Variants in CNTNAP2 observed in about 807,000 individuals in gnomAD.
CNTNAP2 encodes contactin-associated protein-like 2.
In CNTNAP2, 98 loss-of-function variants were observed where a neutral mutation model predicts 155.2. That is an observed-to-expected ratio of 0.63 (90% CI 0.54 to 0.75). The LOEUF is 0.75. Among genes scored for constraint, CNTNAP2 ranks in the 30% least tolerant of loss-of-function variants. CNTNAP2 has a pLI of 0.00. For synonymous variants in CNTNAP2, 651 were observed against 631.2 expected (o/e 1.03, Z -0.47); for missense variants, 1,727 against 1,688.1 (o/e 1.02, Z -0.40).
intron 3 of CNTNAP2, among the ~76,000 whole-genome samples, chr7:146,881,755 A>AT (rs11416504): frequency 0.55 from 68,149 of 123,570 alleles, 18,981 homozygotes; most frequent in Admixed American, 0.56. Context: ...GATCCCTATA[A>AT]TTTTTTTTTT....
intron 4 of CNTNAP2, among the ~76,000 whole-genome samples, chr7:147,084,684 T>C (rs185453796): frequency 0.021 from 3,067 of 147,544 alleles, 30 homozygotes; most frequent in Middle Eastern, 0.043. Flanking sequence ...TATATAAGCA[T>C]GCTATATGTA....
intron 15 of CNTNAP2, among the ~76,000 whole-genome samples, chr7:147,986,226 A>G (rs1801616260): frequency 6.6e-6 from 1 of 152,238 alleles, no homozygotes; most frequent in East Asian, 1.9e-4. Context: ...TGCCCTGGCC[A>G]TTAATTATAA....
intron 1 of CNTNAP2, among the ~76,000 whole-genome samples, chr7:146,455,496 C>G (rs1796542513): frequency 6.6e-6 from 1 of 152,068 alleles, no homozygotes; most frequent in Admixed American, 6.6e-5. Context: ...CCTTTTCAGG[C>G]AAGAAGAAAT....
intron 12 of CNTNAP2, among the ~76,000 whole-genome samples, chr7:147,635,270 A>C (rs1310338029): frequency 6.6e-6 from 1 of 150,786 alleles, no homozygotes; most frequent in African/African-American, 2.5e-5. Context: ...TAAGCTCCAA[A>C]ACTTTTTTTT....
intron 3 of CNTNAP2, among the ~76,000 whole-genome samples, chr7:147,026,345 A>T (rs1798918857): frequency 6.6e-6 from 1 of 152,200 alleles, no homozygotes; most frequent in South Asian, 2.1e-4. Flanking sequence ...TATAAATAAG[A>T]TGATAGGATC....
intron 3 of CNTNAP2, among the ~76,000 whole-genome samples, chr7:146,907,516 AT>A (rs1796162113): frequency 7.4e-6 from 1 of 135,454 alleles, no homozygotes; most frequent in Non-Finnish European, 1.6e-5. Context: ...AAAGAAAAGA[AT>A]TTTCAACCCA....
intron 14 of CNTNAP2, among the ~76,000 whole-genome samples, chr7:147,929,718 CT>C (rs1800463688): frequency 6.6e-6 from 1 of 152,130 alleles, no homozygotes; most frequent in Non-Finnish European, 1.5e-5. Flanking sequence ...TCAGTACCTA[CT>C]TTTAGGTAAG....
chr7:146,697,052 G>A (rs1470518167), intron 1 of CNTNAP2, among the ~76,000 whole-genome samples: 1 of 152,030 alleles, frequency 6.6e-6, no homozygotes, highest in Non-Finnish European at 1.5e-5. Context: ...GTCTTATTTG[G>A]TGTGTGTTGA....
chr7:147,651,866 A>T (rs1357862649), intron 13 of CNTNAP2, among the ~76,000 whole-genome samples: 1 of 152,220 alleles, frequency 6.6e-6, no homozygotes, highest in African/African-American at 2.4e-5. Flanking sequence ...AAGCACCTCC[A>T]TTGAGCCAAA....
Position 147,094,247 on chromosome 7 carries a change from A to G in CNTNAP2, c.551-13900A>G, listed in dbSNP as rs1800475116. ...TCATCGGAATGGCCTTTATCACCCA[A>G]ATTTCTATCAACATTCTGTTCACGG... On this transcript the variant is annotated intron_variant, in intron 4 of 23. Transcript: ENST00000361727. Among the ~76,000 whole-genome samples, 3 of 152,018 alleles carry G rather than the reference A, an allele frequency of 2.0e-5. No homozygotes were observed. The South Asian group carries it at 6.2e-4, about 32-fold the overall frequency.
intron 10 of CNTNAP2, among the ~76,000 whole-genome samples, chr7:147,450,465 C>T (rs1182741304): frequency 6.6e-6 from 1 of 152,140 alleles, no homozygotes; most frequent in East Asian, 1.9e-4. Flanking sequence ...CTTATGAGAC[C>T]CTAAGCTGAG....
At chr7:147,624,164 C>T (rs900668917) in intron 12 of CNTNAP2, among the ~76,000 whole-genome samples, 10 of 152,056 alleles carry the variant, frequency 6.6e-5, no homozygotes, top group Admixed American at 1.3e-4. Context: ...TACAAGAAAA[C>T]ACTGGGGAAA....
chr7:147,474,935 T>A (rs996634090), intron 10 of CNTNAP2, among the ~76,000 whole-genome samples: 7 of 152,174 alleles, frequency 4.6e-5, no homozygotes, highest in Non-Finnish European at 2.9e-5. Flanking sequence ...ATCAATTCAC[T>A]ATTCACACAA....
chr7:147,318,340 G>A (rs1795276390), intron 9 of CNTNAP2, among the ~76,000 whole-genome samples: 1 of 152,124 alleles, frequency 6.6e-6, no homozygotes, highest in Non-Finnish European at 1.5e-5. Context: ...TACTTGGGAG[G>A]CTGAGGCAGG....
chr7:147,811,644 C>A (rs1371461334), intron 13 of CNTNAP2, among the ~76,000 whole-genome samples: 1 of 152,118 alleles, frequency 6.6e-6, no homozygotes, highest in East Asian at 1.9e-4. Flanking sequence ...TGCTTAAACC[C>A]TTTGGGAAAG....
intron 13 of CNTNAP2, among the ~76,000 whole-genome samples, chr7:147,898,561 T>C (rs551355167): frequency 2.0e-5 from 3 of 152,070 alleles, no homozygotes; most frequent in Admixed American, 2.0e-4. Context: ...TCTCACTCTA[T>C]CAGGTTGGAG....
At chr7:147,530,495 T>C (rs549651609) in intron 11 of CNTNAP2, among the ~76,000 whole-genome samples, 1 of 152,196 alleles carries the variant, frequency 6.6e-6, no homozygotes, top group East Asian at 1.9e-4. Context: ...ATTTCTTACA[T>C]GGCAGTGGCA....
At chr7:146,661,766 C>T (rs568488964) in intron 1 of CNTNAP2, among the ~76,000 whole-genome samples, 7 of 147,252 alleles carry the variant, frequency 4.8e-5, no homozygotes, top group African/African-American at 1.7e-4. Flanking sequence ...CAATAAGCTT[C>T]CATGTACAGA....
intron 8 of CNTNAP2, among the ~76,000 whole-genome samples, chr7:147,295,775 A>T (rs953636202): frequency 6.6e-6 from 1 of 152,188 alleles, no homozygotes; most frequent in Admixed American, 6.5e-5. Context: ...TTTTTATCAT[A>T]GATTACTGAG....
Sources: allele counts gnomAD v4.1 joint callset (sites outside exome capture counted in the v4.1 genomes callset), GRCh38; gene constraint gnomAD v4.1.1; transcripts MANE v1.5; gene names NCBI Gene and HGNC (gene_info 2026-07-23, HGNC 2026-07-21).